The following SMARCA2 variants were observed in gnomAD, a reference collection of about 807,000 sequenced individuals.
The protein encoded by SMARCA2 is SWI/SNF related BAF chromatin remodeling complex subunit ATPase 2, also known as SWI/SNF-related matrix-associated actin-dependent regulator of chromatin subfamily A member 2.
SMARCA2 carries 61 observed loss-of-function variants against 199.8 expected under a neutral mutation model. The observed-to-expected ratio is 0.31, with a 90% confidence interval of 0.25 to 0.38. The LOEUF (loss-of-function observed/expected upper bound fraction) is 0.38. SMARCA2 is among the 10% of genes least tolerant of loss of function. SMARCA2 has a pLI of 1.00. For missense variants in SMARCA2, 1,344 were observed against 2,012.2 expected, an observed-to-expected ratio of 0.67 and a Z score of 6.35; for synonymous variants, 935 against 732.0, an observed-to-expected ratio of 1.28 and a Z score of -4.48.
At chr9:2,054,525 T>C in intron 5 of SMARCA2, 72 bp from the exon 6 acceptor site, 1 of 1,552,724 alleles carries the variant, frequency 6.4e-7, no homozygotes. Context: ...AATGTCATTG[T>C]TTATCATTTA....
At chr9:2,133,734 G>C (rs1248178180) in intron 27 of SMARCA2, among the ~76,000 whole-genome samples, 3 of 152,106 alleles carry the variant, frequency 2.0e-5, no homozygotes. Context: ...GTGGAGGTGG[G>C]GAAGAGTACA....
intron 27 of SMARCA2, among the ~76,000 whole-genome samples, chr9:2,142,511 T>C (rs935370538): frequency 2.6e-5 from 4 of 152,184 alleles, no homozygotes; most frequent in African/African-American, 9.7e-5. Context: ...GGTGTGTAAC[T>C]TCAGCAAGGG....
At chr9:2,147,762 TG>T (rs1824840071) in intron 27 of SMARCA2, among the ~76,000 whole-genome samples, 1 of 151,222 alleles carries the variant, frequency 6.6e-6, no homozygotes, top group East Asian at 1.9e-4. Context: ...CAGGGAAAAT[TG>T]CTTGAACCCG....
chr9:2,068,336 A>G (rs1308044381), intron 9 of SMARCA2, among the ~76,000 whole-genome samples: 1 of 152,152 alleles, frequency 6.6e-6, no homozygotes, highest in Non-Finnish European at 1.5e-5. Flanking sequence ...AATCATAACC[A>G]AAGGGAGCAT....
chr9:2,175,986 T>C (rs1374509717), intron 29 of SMARCA2, among the ~76,000 whole-genome samples: 1 of 152,118 alleles, frequency 6.6e-6, no homozygotes, highest in African/African-American at 2.4e-5. Flanking sequence ...GTTCAAGCGA[T>C]TCTCCTGCCT....
chr9:2,153,039 G>A (rs953288825), intron 27 of SMARCA2, among the ~76,000 whole-genome samples: 3 of 152,052 alleles, frequency 2.0e-5, no homozygotes, highest in Admixed American at 6.6e-5. Context: ...CCCAGAGGAA[G>A]TGATAATGGC....
rs1284442008 is a variant in SMARCA2, at chr9:2,169,789, T to C, written c.4200-630T>C. 6.6e-6 allele frequency among the ~76,000 whole-genome samples: 1 copy of C among 152,098 alleles called. No individual in the cohort carries two copies. Among genetic ancestry groups the C allele is most frequent in the Non-Finnish European group, 1.5e-5 (1 of 68,012 alleles). ...TTCAAAAATCCTCAACTGAAGAGGCTTTTCTAGAGGCTTGTAGAAGTGCCC... is the reference window on the plus strand; with the variant it reads ...TTCAAAAATCCTCAACTGAAGAGGCCTTTCTAGAGGCTTGTAGAAGTGCCC... On this transcript the variant is annotated intron_variant, in intron 28 of 33. Coordinates refer to ENST00000349721, the MANE Select transcript of SMARCA2 (RefSeq NM_003070.5). The surrounding 1 kb of genome is among the most constrained non-coding windows in gnomAD (Gnocchi z 6.5).
rs920468907 is a variant in SMARCA2, at chr9:2,040,144, G to T, written c.790+244G>T. On this transcript the variant is annotated intron_variant, in intron 4 of 33. Coordinates refer to ENST00000349721, the MANE Select transcript of SMARCA2 (RefSeq NM_003070.5). ...TGCAAGCTGGAGACCCAGGGAAAAA[G>T]CACCTGTGATTTTGCGTTCTCTTTG... is the stretch of plus-strand genomic sequence containing the variant. 5 of 791,564 alleles carry T rather than the reference G, an allele frequency of 6.3e-6. No homozygotes were observed. In the Admixed American group the frequency reaches 9.0e-5, roughly 14 times the overall value. 49.0% of individuals were successfully genotyped at this position (791,564 alleles called of 1,614,324 possible). A position where few individuals can be genotyped will look rare whatever the true frequency, so the allele number is the denominator to read the frequency against.
chr9:2,170,349 GGAA>G lies in SMARCA2; in HGVS notation c.4200-65_4200-63del, dbSNP rs1826180974. 3.1e-6 allele frequency: 5 copies of G among 1,603,722 alleles called. No individual in the cohort carries two copies. Among genetic ancestry groups the G allele is most frequent in the African/African-American group, 1.3e-5 (1 of 74,464 alleles). ...AGGCTTGGCCAGGTCACCCAGCCTAGGAAGAAGGAGCCGGGCGGGGACGAGAAC... is the reference window on the plus strand; with the variant it reads ...AGGCTTGGCCAGGTCACCCAGCCTAGGAAGGAGCCGGGCGGGGACGAGAAC... On this transcript the variant is annotated intron_variant, in intron 28 of 33. Coordinates refer to ENST00000349721, the MANE Select transcript of SMARCA2 (RefSeq NM_003070.5). The surrounding 1 kb of genome is among the most constrained non-coding windows in gnomAD (Gnocchi z 4.7).
intron 9 of SMARCA2, among the ~76,000 whole-genome samples, chr9:2,069,613 C>G (rs1821004510): frequency 6.6e-6 from 1 of 151,456 alleles, no homozygotes; most frequent in Non-Finnish European, 1.5e-5. Flanking sequence ...ATAACAATAT[C>G]TGCATAAAAT....
Position 2,056,504 on chromosome 9 carries a change from A to C in SMARCA2, c.1174-168A>C, listed in dbSNP as rs543886347. Among the ~76,000 whole-genome samples the C allele has an allele frequency of 6.6e-6, 1 of 152,192 alleles. No homozygotes were observed. Among genetic ancestry groups the C allele is most frequent in the African/African-American group, 2.4e-5 (1 of 41,442 alleles). ...TACCGTTCTTGAAAATATTGCATAC[A>C]TTTGGCATGATTTTAGTTCCTTCAT... On this transcript the variant is annotated intron_variant, in intron 6 of 33. Coordinates refer to ENST00000349721, the MANE Select transcript of SMARCA2 (RefSeq NM_003070.5). This position sits in a 1 kb window ranked among gnomAD's most constrained non-coding sequence, Gnocchi z 4.0.
chr9:2,137,338 C>A (rs954057360), intron 27 of SMARCA2, among the ~76,000 whole-genome samples: 1 of 152,186 alleles, frequency 6.6e-6, no homozygotes, highest in Admixed American at 6.5e-5. Flanking sequence ...CAGTGGCCTT[C>A]CATTGTAAGT....
chr9:2,135,573 C>G (rs1414518941), intron 27 of SMARCA2, among the ~76,000 whole-genome samples: 1 of 152,162 alleles, frequency 6.6e-6, no homozygotes, highest in Non-Finnish European at 1.5e-5. Context: ...TCTAAAGTCA[C>G]CTGAAGCAGC....
At chr9:2,025,273 G>A (rs1176685328) in intron 1 of SMARCA2, among the ~76,000 whole-genome samples, 1 of 152,106 alleles carries the variant, frequency 6.6e-6, no homozygotes, top group Non-Finnish European at 1.5e-5. Flanking sequence ...TTTGGCCCTC[G>A]GGGAGTCCTG....
intron 9 of SMARCA2, among the ~76,000 whole-genome samples, chr9:2,068,264 C>G (rs1387984744): frequency 6.6e-6 from 1 of 152,138 alleles, no homozygotes; most frequent in African/African-American, 2.4e-5. Context: ...CTGATCATTT[C>G]TTTTGAGCTT....
rs185669620 is a variant in SMARCA2, at chr9:2,192,797, T to C, written c.*58T>C. 38 of 1,279,414 alleles carry C rather than the reference T, an allele frequency of 3.0e-5. No homozygotes were observed. In the African/African-American group the frequency reaches 5.3e-4, roughly 18 times the overall value. The allele number at this position is 1,279,414 out of a possible 1,614,324, so 79.3% of individuals were successfully genotyped here. Reference sequence around the variant, plus strand: ...ATTCCTTCCTCCCCTGTCTCATTTCTACCCAGTGAGTTCATTTGTCATATA... The same window carrying C: ...ATTCCTTCCTCCCCTGTCTCATTTCCACCCAGTGAGTTCATTTGTCATATA... On this transcript the variant is annotated 3_prime_UTR_variant, in exon 34 of 34. Coordinates refer to ENST00000349721, the MANE Select transcript of SMARCA2 (RefSeq NM_003070.5).
intron 27 of SMARCA2, among the ~76,000 whole-genome samples, chr9:2,151,415 A>G (rs1441057505): frequency 6.6e-6 from 1 of 151,634 alleles, no homozygotes; most frequent in African/African-American, 2.4e-5. Flanking sequence ...TACAAGACCC[A>G]GGCCAGCATG....
Position 2,125,119 on chromosome 9 carries a change from C to T in SMARCA2, c.3981+1182C>T, listed in dbSNP as rs137976698. Among the ~76,000 whole-genome samples, 367 of 152,240 alleles carry T rather than the reference C, an allele frequency of 2.4e-3. 1 individual carries two copies. The highest frequency in any genetic ancestry group is 0.024 in the Middle Eastern group (7 of 294). ...CAAAGGCAAACAGGTCTTGTCACCG[C>T]TTGAGATGTGATTTACTCAGGATGT... On this transcript the variant is annotated intron_variant, in intron 27 of 33. Coordinates refer to ENST00000349721, the MANE Select transcript of SMARCA2 (RefSeq NM_003070.5).
Position 2,123,758 on chromosome 9 carries a change from C to T in SMARCA2, c.3802C>T (p.Pro1268Ser), listed in dbSNP as rs772201119. Residue 1268 changes from proline to serine, a missense_variant, in exon 27 of 34, where the codon CCG (proline) becomes TCG (serine). Transcript: ENST00000349721. The surrounding 1 kb of genome is among the most constrained non-coding windows in gnomAD (Gnocchi z 4.1). ...CCGGCGGAGGGAAGATGCCCGGAAC[C>T]CGAAACGGAAGCCCCGTTTAATGGA... ...MDRRREDARN[P>S]KRKPRLMEED... 4 of 1,614,082 alleles carry T rather than the reference C, an allele frequency of 2.5e-6. No individual in the cohort carries two copies. The highest frequency in any genetic ancestry group is 1.7e-6 in the Non-Finnish European group (2 of 1,180,008).
Sources: allele counts gnomAD v4.1 joint callset (sites outside exome capture counted in the v4.1 genomes callset), GRCh38; gene constraint gnomAD v4.1.1; non-coding constraint Gnocchi (gnomAD v3.1); transcripts MANE v1.5; gene names NCBI Gene and HGNC (gene_info 2026-07-23, HGNC 2026-07-21).